The following ELP4 variants were observed in gnomAD, a reference collection of about 807,000 sequenced individuals.
ELP4 encodes the protein elongator acetyltransferase complex subunit 4.
ELP4 carries 51 observed loss-of-function variants against 48.9 expected under a neutral mutation model. The ratio of observed to expected loss-of-function variants is 1.04; its 90% CI spans 0.83 to 1.32. ELP4 has a LOEUF of 1.32. ELP4 is among the 40% of genes most tolerant of loss of function. The pLI is 0.00. For synonymous variants in ELP4, 210 were observed against 189.2 expected (o/e 1.11, Z -0.90); for missense variants, 519 against 514.6 (o/e 1.01, Z -0.08).
At position 31,525,440 on chromosome 11, in the gene ELP4, A is replaced by G. The variant is rs527374481; in HGVS notation, c.259+5349A>G. ...AATAACCATGAACAGTACATATATA[A>G]CATGCCGATATAAGGAGTATGAAAA... On this transcript the variant is annotated intron_variant, in intron 2 of 9. Transcript: ENST00000640961. Among the ~76,000 whole-genome samples, 26 of 152,308 alleles carry G rather than the reference A, an allele frequency of 1.7e-4. 1 individual carries two copies. The East Asian group carries it at 4.2e-3, about 25-fold the overall frequency.
intron 9 of ELP4, among the ~76,000 whole-genome samples, chr11:31,738,425 T>C (rs1233321046): frequency 1.4e-5 from 2 of 145,724 alleles, no homozygotes; most frequent in African/African-American, 5.1e-5. Flanking sequence ...AAAAAATAAA[T>C]GAATAAATAA....
chr11:31,546,323 G>A (rs923483877), intron 3 of ELP4, among the ~76,000 whole-genome samples: 2 of 151,976 alleles, frequency 1.3e-5, no homozygotes, highest in African/African-American at 4.8e-5. Context: ...AAAAAAGGCA[G>A]GGGTTGCAAT....
At chr11:31,768,047 G>T (rs1948074671) in intron 9 of ELP4, 1 of 152,144 alleles carries the variant, frequency 6.6e-6, no homozygotes, top group South Asian at 2.1e-4. Context: ...TGGAGTGGGG[G>T]TTTTGAGGGT....
At chr11:31,578,323 A>C (rs1195584296) in intron 3 of ELP4, among the ~76,000 whole-genome samples, 1 of 152,234 alleles carries the variant, frequency 6.6e-6, no homozygotes, top group Non-Finnish European at 1.5e-5. Flanking sequence ...TTCCATGCTT[A>C]TGGTTAGGAA....
In ELP4 at chr11:31,619,521, T is replaced by C. The variant is rs190054522; in HGVS notation, c.654-7589T>C. Among the ~76,000 whole-genome samples, 597 of 152,100 alleles carry C rather than the reference T, an allele frequency of 3.9e-3. 5 individuals carry two copies. The highest frequency in any genetic ancestry group is 0.014 in the African/African-American group (570 of 41,526). ...GGCCCACTTTCTTCATAGATAGGTGTCTTCTCTGTGTAACCTCGGGCATGG... is the reference window on the plus strand; with the variant it reads ...GGCCCACTTTCTTCATAGATAGGTGCCTTCTCTGTGTAACCTCGGGCATGG... On this transcript the variant is annotated intron_variant, in intron 5 of 9. Transcript: ENST00000640961.
rs546307570 is a variant in ELP4 at position 31,709,176 on chromosome 11, G to A, written c.1143+58955G>A. ...GTTCAAAATGGGCAATTGCTGGTAT[G>A]AGGTTTACCCAAAACCAAGGGTCCT... On this transcript the variant is annotated intron_variant, in intron 9 of 9. Coordinates refer to ENST00000640961, the MANE Select transcript of ELP4 (RefSeq NM_019040.5). 5.9e-5 allele frequency among the ~76,000 whole-genome samples: 9 copies of A among 152,260 alleles called. No homozygotes were observed. In the East Asian group the frequency reaches 1.7e-3, roughly 29 times the overall value.
chr11:31,635,521 A>G (rs765187066), intron 7 of ELP4, among the ~76,000 whole-genome samples: 3 of 151,948 alleles, frequency 2.0e-5, no homozygotes, highest in Non-Finnish European at 4.4e-5. Context: ...GTCAAAATTT[A>G]GAAACAAACT....
intron 1 of ELP4, among the ~76,000 whole-genome samples, chr11:31,518,147 C>A (rs1221109033): frequency 6.7e-6 from 1 of 150,188 alleles, no homozygotes; most frequent in African/African-American, 2.4e-5. Flanking sequence ...GCTCTTGTTG[C>A]CCAGGCTGGA....
At chr11:31,560,972 G>C (rs1957015988) in intron 3 of ELP4, among the ~76,000 whole-genome samples, 1 of 152,050 alleles carries the variant, frequency 6.6e-6, no homozygotes, top group African/African-American at 2.4e-5. Flanking sequence ...GCCTAGGTAT[G>C]TAGTAGGCTC....
chr11:31,753,172 A>C (rs569621868), intron 9 of ELP4, among the ~76,000 whole-genome samples: 83 of 152,366 alleles, frequency 5.4e-4, no homozygotes, highest in African/African-American at 2.0e-3. Flanking sequence ...ATTATTTATC[A>C]ACTCATGTCG....
At chr11:31,553,595 C>T (rs1239594492) in intron 3 of ELP4, among the ~76,000 whole-genome samples, 1 of 152,044 alleles carries the variant, frequency 6.6e-6, no homozygotes, top group African/African-American at 2.4e-5. Context: ...GACCAATGGA[C>T]CTTGACTAGA....
intron 9 of ELP4, among the ~76,000 whole-genome samples, chr11:31,751,357 C>T (rs1235367670): frequency 1.3e-5 from 2 of 152,178 alleles, no homozygotes; most frequent in African/African-American, 2.4e-5. Context: ...AATCTTCTTT[C>T]GAGCCCTCAT....
At chr11:31,656,994 A>C (rs1157011142) in intron 9 of ELP4, among the ~76,000 whole-genome samples, 1 of 152,144 alleles carries the variant, frequency 6.6e-6, no homozygotes, top group East Asian at 1.9e-4. Flanking sequence ...AAAAAAGAAA[A>C]CAGAAAATGA....
chr11:31,688,825 A>T (rs930731059), intron 9 of ELP4, among the ~76,000 whole-genome samples: 41 of 152,326 alleles, frequency 2.7e-4, no homozygotes, highest in African/African-American at 8.9e-4. Context: ...TATTAGATTA[A>T]TTTGAGCCTA....
chr11:31,724,074 AC>A (rs1349227579), intron 9 of ELP4, among the ~76,000 whole-genome samples: 1 of 152,000 alleles, frequency 6.6e-6, no homozygotes, highest in African/African-American at 2.4e-5. Context: ...CCTCACCTCT[AC>A]CCCCACATTG....
intron 9 of ELP4, among the ~76,000 whole-genome samples, chr11:31,734,367 A>G (rs1947258100): frequency 6.6e-6 from 1 of 152,238 alleles, no homozygotes; most frequent in Admixed American, 6.5e-5. Context: ...AGCCAGAACA[A>G]CTAGGCAATA....
intron 3 of ELP4, among the ~76,000 whole-genome samples, chr11:31,574,301 G>A (rs193204111): frequency 9.4e-4 from 143 of 152,296 alleles, no homozygotes; most frequent in African/African-American, 2.9e-3. Flanking sequence ...CTTGAGCTGA[G>A]TGGAGCCCAC....
At chr11:31,525,515 A>G (rs1050319948) in intron 2 of ELP4, among the ~76,000 whole-genome samples, 3 of 152,220 alleles carry the variant, frequency 2.0e-5, no homozygotes, top group African/African-American at 7.2e-5. Context: ...TGAAGAAAAA[A>G]AATTGCTCAT....
intron 3 of ELP4, among the ~76,000 whole-genome samples, chr11:31,580,076 C>T (rs1015561934): frequency 6.6e-6 from 1 of 152,106 alleles, no homozygotes; most frequent in Non-Finnish European, 1.5e-5. Context: ...GGTAAGCAGG[C>T]TAGAGAGGTT....
Sources: gnomAD v4.1 joint callset for allele counts (sites outside exome capture counted in the v4.1 genomes callset) on GRCh38, gnomAD v4.1.1 for gene constraint, MANE v1.5 for transcripts, NCBI Gene and HGNC (gene_info 2026-07-23, HGNC 2026-07-21) for gene names.